TCEA1: variants seen among roughly 807,000 people sequenced by gnomAD.
TCEA1 encodes transcription elongation factor A protein 1.
In TCEA1, 21 loss-of-function variants were observed where a neutral mutation model predicts 43.8. That is an observed-to-expected ratio of 0.48 (90% CI 0.34 to 0.69). The LOEUF (loss-of-function observed/expected upper bound fraction) is 0.69. Ranked by LOEUF, TCEA1 falls within the 30% of genes least tolerant of loss-of-function variation. The probability of loss-of-function intolerance (pLI) is 0.01; values close to 1 mark genes in which losing one functional copy is unlikely to be tolerated. For synonymous variants in TCEA1, 104 were observed against 117.5 expected, an observed-to-expected ratio of 0.88 and a Z score of 0.75; for missense variants, 250 against 365.1, an observed-to-expected ratio of 0.68 and a Z score of 2.57.
At chr8:53,988,921 T>G (rs557908390) in intron 4 of TCEA1, among the ~76,000 whole-genome samples, 3 of 151,908 alleles carry the variant, frequency 2.0e-5, no homozygotes, top group African/African-American at 7.2e-5. Context: ...ATACAAAAAT[T>G]AGCTGGGCGT....
intron 3 of TCEA1, among the ~76,000 whole-genome samples, chr8:53,994,682 C>T (rs568285270): frequency 6.6e-6 from 1 of 151,920 alleles, no homozygotes; most frequent in South Asian, 2.1e-4. Flanking sequence ...TCCTGGTTAA[C>T]ATGGTAAAAC....
At chr8:53,976,764 G>C (rs1563466616) in intron 8 of TCEA1, among the ~76,000 whole-genome samples, 1 of 152,112 alleles carries the variant, frequency 6.6e-6, no homozygotes, top group Admixed American at 6.5e-5. Context: ...ATTTCTACCT[G>C]ATTAAAAGAA....
At chr8:53,984,627 T>C (rs1038367944) in intron 6 of TCEA1, 110 bp from the exon 7 acceptor site, 2 of 870,928 alleles carry the variant, frequency 2.3e-6, no homozygotes, top group Middle Eastern at 3.4e-4. Context: ...CTCATGCCTG[T>C]AATCCCAGCA....
At chr8:53,983,135 A>AG in intron 7 of TCEA1, among the ~76,000 whole-genome samples, 1 of 152,256 alleles carries the variant, frequency 6.6e-6, no homozygotes, top group East Asian at 1.9e-4. Context: ...CTGAAGACTC[A>AG]GATGATCATG....
intron 1 of TCEA1, among the ~76,000 whole-genome samples, chr8:54,019,623 G>A (rs902724252): frequency 6.7e-6 from 1 of 148,944 alleles, no homozygotes; most frequent in Admixed American, 6.7e-5. Context: ...AAAAAGCTGA[G>A]AGAAAAATCT....
chr8:53,970,262 G>C (rs888284979), intron 9 of TCEA1, 130 bp downstream of exon 9: 1 of 748,408 alleles, frequency 1.3e-6, no homozygotes, highest in Non-Finnish European at 2.5e-6. Flanking sequence ...AGTAGTCAGG[G>C]AGTACAAGAG....
chr8:54,010,616 C>A, intron 1 of TCEA1, 124 bp from the exon 2 acceptor site: 1 of 671,058 alleles, frequency 1.5e-6, no homozygotes, highest in East Asian at 2.9e-5. Flanking sequence ...TAAGGAGCAA[C>A]AGCACCACCT....
At position 53,966,741 on chromosome 8, in the gene TCEA1, G is replaced by A. The variant is rs990041367; in HGVS notation, c.*1363C>T. ...GTACCAGTGGGCCAATTCTTAACAC[G>A]GACATTTAAAAATGCTGCTTTCTGT... is the stretch of plus-strand genomic sequence containing the variant. On this transcript the variant is annotated 3_prime_UTR_variant, in exon 10 of 10. Transcript: ENST00000521604. The A allele has an allele frequency of 3.5e-5, 7 of 199,902 alleles. No individual in the cohort carries two copies. Among genetic ancestry groups the A allele is most frequent in the South Asian group, 1.9e-4 (1 of 5,242 alleles). 12.4% of individuals were successfully genotyped at this position (199,902 alleles called of 1,614,324 possible). A position where few individuals can be genotyped will look rare whatever the true frequency, so the allele number is the denominator to read the frequency against.
At chr8:53,970,039 A>G (rs1457734707) in intron 9 of TCEA1, among the ~76,000 whole-genome samples, 1 of 152,182 alleles carries the variant, frequency 6.6e-6, no homozygotes, top group Non-Finnish European at 1.5e-5. Flanking sequence ...CCAAAATCAA[A>G]ATCTATTAAA....
intron 4 of TCEA1, among the ~76,000 whole-genome samples, chr8:53,990,004 C>T (rs1432665196): frequency 6.6e-6 from 1 of 151,950 alleles, no homozygotes; most frequent in Non-Finnish European, 1.5e-5. Context: ...AAGAACAGCC[C>T]GGACAAAATA....
rs572068599 is a variant in TCEA1 at position 53,991,388 on chromosome 8, G to A, written c.320+2280C>T. Among the ~76,000 whole-genome samples the A allele has an allele frequency of 6.7e-4, 98 of 145,318 alleles. 1 individual carries two copies. The highest frequency in any genetic ancestry group is 2.4e-3 in the African/African-American group (93 of 38,936). The stretch of plus-strand genomic sequence containing the variant: ...AGCCTGGGCAACAGAGCAAGACTCC[G>A]TCTCAAAAAAAAAAATAAAAACAAG... On this transcript the variant is annotated intron_variant, in intron 4 of 9. Coordinates refer to ENST00000521604, the MANE Select transcript of TCEA1 (RefSeq NM_006756.4).
intron 2 of TCEA1, among the ~76,000 whole-genome samples, chr8:54,002,362 G>T (rs1804296406): frequency 6.6e-6 from 1 of 151,906 alleles, no homozygotes; most frequent in Non-Finnish European, 1.5e-5. Flanking sequence ...CCAGCTACTT[G>T]GGAGACTAAG....
At chr8:53,973,057 A>G (rs554826939) in intron 8 of TCEA1, 47 of 672,416 alleles carry the variant, frequency 7.0e-5, no homozygotes, top group Admixed American at 1.5e-4. Context: ...GAGCTTTTGG[A>G]CATGGATTTT....
chr8:54,020,363 GA>G (rs1165795940), intron 1 of TCEA1, among the ~76,000 whole-genome samples: 6 of 152,108 alleles, frequency 3.9e-5, no homozygotes, highest in Non-Finnish European at 8.8e-5. Flanking sequence ...CAATGGGGAG[GA>G]AAAATGGCAC....
At chr8:53,988,565 G>GA (rs1468901918) in intron 4 of TCEA1, among the ~76,000 whole-genome samples, 2 of 152,112 alleles carry the variant, frequency 1.3e-5, no homozygotes, top group Non-Finnish European at 2.9e-5. Flanking sequence ...TACAATAAAT[G>GA]AAAAGCAATG....
chr8:53,973,405 C>T (rs948556616), intron 8 of TCEA1: 2 of 501,936 alleles, frequency 4.0e-6, no homozygotes, highest in South Asian at 3.5e-5. Context: ...AAGACTCTTG[C>T]TAAAGAGGCC....
At chr8:53,970,484 A>T (rs1200384025) in intron 8 of TCEA1, 21 bp from the exon 9 acceptor site, 1 of 1,546,536 alleles carries the variant, frequency 6.5e-7, no homozygotes, top group East Asian at 2.3e-5. Context: ...ATTAAATTAA[A>T]TGTACTTTTT....
rs535674712 is a variant in TCEA1, at chr8:54,016,195, C to T, written c.64-5703G>A. ...ACCCAACAGAAATGAAAACATATGT[C>T]GCCAGGCGCGGTGGCTCACGCCTGT... On this transcript the variant is annotated intron_variant, in intron 1 of 9. Transcript: ENST00000521604. Among the ~76,000 whole-genome samples the T allele has an allele frequency of 1.6e-4, 25 of 152,290 alleles. No homozygotes were observed. In the East Asian group the frequency reaches 2.7e-3, roughly 16 times the overall value.
chr8:54,004,162 G>A (rs556861467), intron 2 of TCEA1, among the ~76,000 whole-genome samples: 19 of 152,226 alleles, frequency 1.2e-4, no homozygotes, highest in African/African-American at 4.1e-4. Context: ...CAGAGAAACT[G>A]GACCCCTCGT....
Sources: gnomAD v4.1 joint callset for allele counts (sites outside exome capture counted in the v4.1 genomes callset) on GRCh38, gnomAD v4.1.1 for gene constraint, MANE v1.5 for transcripts, NCBI Gene and HGNC (gene_info 2026-07-23, HGNC 2026-07-21) for gene names.